ELMO1: variants seen among roughly 807,000 people sequenced by gnomAD.
The protein encoded by ELMO1 is engulfment and cell motility 1.
In ELMO1, 26 loss-of-function variants were observed where a neutral mutation model predicts 98.9. The ratio of observed to expected loss-of-function variants is 0.26; its 90% CI spans 0.19 to 0.36. The LOEUF is 0.36. Ranked by LOEUF, ELMO1 falls within the 10% of genes least tolerant of loss-of-function variation. ELMO1 has a pLI of 1.00. For missense variants in ELMO1, 627 were observed against 935.2 expected (o/e 0.67, Z 4.30); for synonymous variants, 346 against 346.0 (o/e 1.00, Z 0.00).
intron 13 of ELMO1, among the ~76,000 whole-genome samples, chr7:37,193,497 C>T (rs866714083): frequency 6.6e-6 from 1 of 152,252 alleles, no homozygotes; most frequent in Middle Eastern, 3.4e-3. Flanking sequence ...GGTGCTCTGC[C>T]AGGGGTTATC....
At chr7:37,327,800 C>A (rs1799896502) in intron 2 of ELMO1, among the ~76,000 whole-genome samples, 1 of 152,026 alleles carries the variant, frequency 6.6e-6, no homozygotes, top group Non-Finnish European at 1.5e-5. Flanking sequence ...ATGGTGGCAA[C>A]CTCAGGCAGA....
chr7:37,158,929 T>C (rs1788993268), intron 13 of ELMO1, among the ~76,000 whole-genome samples: 1 of 152,216 alleles, frequency 6.6e-6, no homozygotes, highest in African/African-American at 2.4e-5. Flanking sequence ...ATAGACTGGA[T>C]AATGAAAATG....
At chr7:37,211,356 G>A in intron 13 of ELMO1, 30 bp downstream of exon 13, 2 of 1,613,668 alleles carry the variant, frequency 1.2e-6, no homozygotes, top group South Asian at 2.2e-5. Context: ...AGGCTGGAGG[G>A]AGAGCGCATA....
rs1802113603 is a variant in ELMO1, at chr7:36,855,272, C to A, written c.*279G>T. ...GGGCTAGGATGGAAGGGCCCTTTGG[C>A]CTTCTTACTGGCAGTGGGCTTTGCT... On this transcript the variant is annotated 3_prime_UTR_variant, in exon 22 of 22. Transcript: ENST00000310758. This position sits in a 1 kb window ranked among gnomAD's most constrained non-coding sequence, Gnocchi z 4.2. 4.3e-6 allele frequency: 2 copies of A among 466,262 alleles called. No homozygotes were observed. The highest frequency in any genetic ancestry group is 4.4e-5 in the South Asian group (2 of 45,846). The allele number at this position is 466,262 out of a possible 1,614,324, so 28.9% of individuals were successfully genotyped here. A position where few individuals can be genotyped will look rare whatever the true frequency, so the allele number is the denominator to read the frequency against.
At chr7:36,993,146 AGG>A (rs1222195800) in intron 16 of ELMO1, among the ~76,000 whole-genome samples, 1 of 152,122 alleles carries the variant, frequency 6.6e-6, no homozygotes, top group Non-Finnish European at 1.5e-5. Context: ...CATGTTCTGA[AGG>A]GGGTGGACAA....
chr7:36,892,886 CA>C (rs768954215), intron 17 of ELMO1, among the ~76,000 whole-genome samples: 6 of 151,732 alleles, frequency 4.0e-5, no homozygotes, highest in Non-Finnish European at 7.4e-5. Flanking sequence ...AGGGATTATG[CA>C]AAAGCTACAT....
chr7:37,285,549 T>C (rs927281260), intron 4 of ELMO1, among the ~76,000 whole-genome samples: 1 of 152,122 alleles, frequency 6.6e-6, no homozygotes, highest in Non-Finnish European at 1.5e-5. Context: ...TGTATTGTGG[T>C]GACAAAAGCA....
chr7:37,186,832 C>T (rs1791237779), intron 13 of ELMO1, among the ~76,000 whole-genome samples: 1 of 152,148 alleles, frequency 6.6e-6, no homozygotes, highest in African/African-American at 2.4e-5. Context: ...GACCTGAAAA[C>T]ACTGAAATCT....
intron 13 of ELMO1, among the ~76,000 whole-genome samples, chr7:37,190,354 G>A (rs1466886342): frequency 2.6e-5 from 4 of 152,144 alleles, no homozygotes; most frequent in Non-Finnish European, 5.9e-5. Flanking sequence ...GCTTTCTACA[G>A]GGATATGTTT....
intron 15 of ELMO1, among the ~76,000 whole-genome samples, chr7:37,055,427 T>G (rs1044531047): frequency 6.6e-5 from 10 of 152,182 alleles, no homozygotes; most frequent in Non-Finnish European, 1.2e-4. Flanking sequence ...TCCATAATTA[T>G]GCAAACTTCA....
intron 1 of ELMO1, among the ~76,000 whole-genome samples, chr7:37,389,465 G>A (rs911582260): frequency 6.6e-6 from 1 of 152,180 alleles, no homozygotes; most frequent in African/African-American, 2.4e-5. Flanking sequence ...CCATTGTGTT[G>A]ATGCACATGT....
chr7:37,418,060 G>A lies in ELMO1; in HGVS notation c.-74+30615C>T, dbSNP rs1731990. Among the ~76,000 whole-genome samples, 1,160 of 152,122 alleles carry A rather than the reference G, an allele frequency of 7.6e-3. 5 individuals are homozygous for A. The highest frequency in any genetic ancestry group is 0.024 in the Middle Eastern group (7 of 294). ...GAGCTGTGAGAGAACAAATCTGCAT[G>A]GTTTTAAGCCACCCAGTTCATCAAA... On this transcript the variant is annotated intron_variant, in intron 1 of 21. Transcript: ENST00000310758.
intron 13 of ELMO1, among the ~76,000 whole-genome samples, chr7:37,177,363 T>C (rs984112134): frequency 6.6e-6 from 1 of 152,154 alleles, no homozygotes; most frequent in African/African-American, 2.4e-5. Context: ...AGAAGTGGCA[T>C]GGGAATAGTG....
chr7:36,948,194 C>A lies in ELMO1; in HGVS notation c.1438-53177G>T, dbSNP rs1352844608. Among the ~76,000 whole-genome samples, 4 of 151,892 alleles carry A rather than the reference C, an allele frequency of 2.6e-5. No homozygotes were observed. The East Asian group carries it at 7.7e-4, about 29-fold the overall frequency. ...GTTTATAAGTACTTAAGAGGACAAA[C>A]ACTTGGTTCTTAAAATCATTTAGAG... On this transcript the variant is annotated intron_variant, in intron 16 of 21. Coordinates refer to ENST00000310758, the MANE Select transcript of ELMO1 (RefSeq NM_014800.11).
At chr7:36,945,399 C>T (rs1753880776) in intron 16 of ELMO1, among the ~76,000 whole-genome samples, 2 of 152,058 alleles carry the variant, frequency 1.3e-5, no homozygotes, top group South Asian at 2.1e-4. Flanking sequence ...AGAAAATAAA[C>T]ATTAGGGAGG....
intron 14 of ELMO1, among the ~76,000 whole-genome samples, chr7:37,123,792 C>T (rs1279352900): frequency 2.0e-5 from 3 of 152,192 alleles, no homozygotes; most frequent in South Asian, 2.1e-4. Context: ...TTTCATGAGG[C>T]CAGCATCATC....
In ELMO1 at chr7:36,861,648, G is replaced by A. The variant is rs183304767; in HGVS notation, c.1983+11C>T. ...CATTATCTCATAAATTATCACCCCC[G>A]AGACCCTTACCTCATGCTTGTCAGG... On this transcript the variant is annotated intron_variant, in intron 21 of 21. Coordinates refer to ENST00000310758, the MANE Select transcript of ELMO1 (RefSeq NM_014800.11). 1.6e-4 allele frequency: 251 copies of A among 1,611,244 alleles called. No individual in the cohort carries two copies. The African/African-American group carries it at 2.9e-3, about 19-fold the overall frequency.
At chr7:37,424,012 G>A (rs1019434809) in intron 1 of ELMO1, among the ~76,000 whole-genome samples, 1 of 152,112 alleles carries the variant, frequency 6.6e-6, no homozygotes, top group Non-Finnish European at 1.5e-5. Context: ...ATGGGTAGGG[G>A]TCCCTCTAAA....
chr7:37,103,523 G>A (rs1276682881), intron 14 of ELMO1, among the ~76,000 whole-genome samples: 1 of 115,976 alleles, frequency 8.6e-6, no homozygotes, highest in Non-Finnish European at 1.7e-5. Flanking sequence ...CTGTTGTGGG[G>A]TGGGGGGAGG....
Sources: gnomAD v4.1 joint callset for allele counts (sites outside exome capture counted in the v4.1 genomes callset) on GRCh38, gnomAD v4.1.1 for gene constraint, Gnocchi (gnomAD v3.1) non-coding constraint, MANE v1.5 for transcripts, NCBI Gene and HGNC (gene_info 2026-07-23, HGNC 2026-07-21) for gene names.